SPATA13: variants seen among roughly 807,000 people sequenced by gnomAD.
The protein encoded by SPATA13 is spermatogenesis-associated protein 13.
Under a neutral mutation model 104.0 loss-of-function variants are expected in SPATA13, and 50 were observed. The ratio of observed to expected loss-of-function variants is 0.48; its 90% CI spans 0.38 to 0.61. The LOEUF is 0.61. Among genes scored for constraint, SPATA13 ranks in the 20% least tolerant of loss-of-function variants. The probability of loss-of-function intolerance (pLI) is 0.00; values close to 1 mark genes in which losing one functional copy is unlikely to be tolerated. For synonymous variants in SPATA13, 606 were observed against 667.5 expected, an observed-to-expected ratio of 0.91 and a Z score of 1.42; for missense variants, 1,524 against 1,690.6, an observed-to-expected ratio of 0.90 and a Z score of 1.73.
chr13:24,288,888 T>A, intron 7 of SPATA13, 111 bp from the exon 8 acceptor site: 1 of 958,626 alleles, frequency 1.0e-6, no homozygotes, highest in South Asian at 2.0e-5. Context: ...TCATAGAGTC[T>A]TTTTAATTAA....
intron 3 of SPATA13, among the ~76,000 whole-genome samples, chr13:24,081,513 T>TAA (rs553241190): frequency 6.9e-6 from 1 of 145,832 alleles, no homozygotes; most frequent in East Asian, 2.0e-4. Context: ...TATTTCTTAC[T>TAA]AAAAAAAAAA....
intron 4 of SPATA13, among the ~76,000 whole-genome samples, chr13:24,277,423 A>G (rs558242855): frequency 2.6e-4 from 37 of 141,056 alleles, no homozygotes; most frequent in Admixed American, 7.8e-4. Context: ...CAGCCTGGGC[A>G]ACAGAGCAAG....
intron 3 of SPATA13, among the ~76,000 whole-genome samples, chr13:24,105,349 G>C (rs1471628934): frequency 6.6e-6 from 1 of 151,910 alleles, no homozygotes; most frequent in Non-Finnish European, 1.5e-5. Flanking sequence ...GTGTTGTCCA[G>C]GCTGGTCTCA....
chr13:24,050,152 G>C (rs1301737722), intron 3 of SPATA13, among the ~76,000 whole-genome samples: 3 of 152,198 alleles, frequency 2.0e-5, no homozygotes, highest in Non-Finnish European at 4.4e-5. Flanking sequence ...TTACAAGTGT[G>C]AGCCACCATG....
intron 2 of SPATA13, among the ~76,000 whole-genome samples, chr13:24,012,987 C>T (rs529985028): frequency 9.2e-5 from 14 of 152,264 alleles, no homozygotes; most frequent in East Asian, 3.9e-4. Context: ...CTCACCGTGA[C>T]GGCAGAGTGG....
At chr13:24,057,222 C>T (rs1199742791) in intron 3 of SPATA13, among the ~76,000 whole-genome samples, 1 of 144,820 alleles carries the variant, frequency 6.9e-6, no homozygotes, top group Non-Finnish European at 1.5e-5. Context: ...CTAAAGCTAT[C>T]CCTCCCCCCT....
At chr13:24,123,507 C>A in intron 3 of SPATA13, 1 of 1,610,376 alleles carries the variant, frequency 6.2e-7, no homozygotes, top group Non-Finnish European at 8.5e-7. Flanking sequence ...ATGCAGGGCT[C>A]CATCTTTTTT....
intron 11 of SPATA13, among the ~76,000 whole-genome samples, chr13:24,298,428 C>T (rs1221370024): frequency 6.6e-6 from 1 of 152,194 alleles, no homozygotes; most frequent in Non-Finnish European, 1.5e-5. Flanking sequence ...GTTTGTCTTC[C>T]CAGCTTCTGC....
intron 2 of SPATA13, among the ~76,000 whole-genome samples, chr13:23,988,023 A>G (rs1405493966): frequency 5.3e-5 from 8 of 151,238 alleles, no homozygotes; most frequent in Non-Finnish European, 7.4e-5. Flanking sequence ...AGTTTACTGC[A>G]ACCTGTGTCT....
chr13:24,182,445 G>A, intron 1 of SPATA13, among the ~76,000 whole-genome samples: 1 of 152,036 alleles, frequency 6.6e-6, no homozygotes. Flanking sequence ...AGTGGGAGGT[G>A]AAGGGGAAGT....
intron 3 of SPATA13, among the ~76,000 whole-genome samples, chr13:24,129,513 A>T (rs9553194): frequency 0.2 from 31,105 of 152,070 alleles, 5,326 homozygotes; most frequent in East Asian, 0.51. Flanking sequence ...AGACCGGAGG[A>T]TTGCTGGAGG....
At chr13:24,291,842 C>T (rs917202667) in intron 9 of SPATA13, among the ~76,000 whole-genome samples, 3 of 150,936 alleles carry the variant, frequency 2.0e-5, no homozygotes, top group South Asian at 2.1e-4. Context: ...CTGCAAGCTC[C>T]GCTTCCCGGG....
intron 3 of SPATA13, among the ~76,000 whole-genome samples, chr13:24,112,050 T>TAAA (rs1225604270): frequency 1.3e-5 from 2 of 152,340 alleles, no homozygotes; most frequent in Admixed American, 1.3e-4. Context: ...CCTCATCTTC[T>TAAA]AAAAGCAGCA....
intron 3 of SPATA13, among the ~76,000 whole-genome samples, chr13:24,027,485 T>G (rs140251134): frequency 6.6e-6 from 1 of 152,152 alleles, no homozygotes; most frequent in Non-Finnish European, 1.5e-5. Flanking sequence ...TTATTAATAT[T>G]TCCAAAGAAT....
intron 3 of SPATA13, among the ~76,000 whole-genome samples, chr13:24,136,275 G>C (rs1428779516): frequency 6.6e-6 from 1 of 152,142 alleles, no homozygotes; most frequent in Non-Finnish European, 1.5e-5. Flanking sequence ...TCGGGAGTTT[G>C]AGACCAGCCT....
chr13:24,025,173 G>A (rs986589056), intron 3 of SPATA13, among the ~76,000 whole-genome samples: 6 of 127,560 alleles, frequency 4.7e-5, no homozygotes, highest in Non-Finnish European at 8.5e-5. Context: ...ATGTCCTTAA[G>A]GAATATTTTC....
chr13:24,036,013 C>CAAAAAAAAAAAAAAAAAAAAAAAAAAA (rs56837096), intron 3 of SPATA13, among the ~76,000 whole-genome samples: 1 of 112,508 alleles, frequency 8.9e-6, no homozygotes. Flanking sequence ...GACCCTGTCT[C>CAAAAAAAAAAAAAAAAAAAAAAAAAAA]AAAAAAAAAA....
chr13:24,162,131 T>C (rs1882526090), intron 1 of SPATA13, among the ~76,000 whole-genome samples: 1 of 152,182 alleles, frequency 6.6e-6, no homozygotes, highest in Non-Finnish European at 1.5e-5. Context: ...TGTGGCTTTG[T>C]CTTATTATCC....
chr13:23,996,249 T>C (rs891098207), intron 2 of SPATA13, among the ~76,000 whole-genome samples: 1 of 152,144 alleles, frequency 6.6e-6, no homozygotes, highest in Admixed American at 6.5e-5. Context: ...TCCGCCGCCT[T>C]GCCTTTCCAC....
Sources: gnomAD v4.1 joint callset for allele counts (sites outside exome capture counted in the v4.1 genomes callset) on GRCh38, gnomAD v4.1.1 for gene constraint, MANE v1.5 for transcripts, NCBI Gene and HGNC (gene_info 2026-07-23, HGNC 2026-07-21) for gene names.